The following RAPGEF2 variants were observed in gnomAD, a reference collection of about 807,000 sequenced individuals.
The protein encoded by RAPGEF2 is Rap guanine nucleotide exchange factor 2.
In RAPGEF2, 54 loss-of-function variants were observed where a neutral mutation model predicts 186.7. The observed-to-expected ratio is 0.29, with a 90% CI of 0.23 to 0.36. RAPGEF2 has a LOEUF of 0.36. Among genes scored for constraint, RAPGEF2 ranks in the 10% least tolerant of loss-of-function variants. RAPGEF2 has a pLI of 1.00. For missense variants in RAPGEF2, 1,532 were observed against 2,045.0 expected, an observed-to-expected ratio of 0.75 and a Z score of 4.84; for synonymous variants, 712 against 705.9, an observed-to-expected ratio of 1.01 and a Z score of -0.14.
intron 4 of RAPGEF2, among the ~76,000 whole-genome samples, chr4:159,222,900 TTTA>T (rs1460626034): frequency 1.4e-5 from 2 of 142,992 alleles, no homozygotes; most frequent in Admixed American, 7.5e-5. Flanking sequence ...CAGGGACACT[TTTA>T]TTATGAGTTG....
chr4:159,213,789 C>T (rs75766228), intron 4 of RAPGEF2, among the ~76,000 whole-genome samples: 11,116 of 151,780 alleles, frequency 0.073, 606 homozygotes, highest in African/African-American at 0.15. Flanking sequence ...CTTATGAATT[C>T]CTATGTGACT....
intron 7 of RAPGEF2, 102 bp from the exon 8 acceptor site, chr4:159,304,240 A>T: frequency 1.9e-6 from 2 of 1,037,534 alleles, no homozygotes; most frequent in Non-Finnish European, 2.7e-6. Context: ...TACCATTTTT[A>T]GTTCAATGGT....
chr4:159,153,048 T>C (rs1275340856), intron 1 of RAPGEF2, among the ~76,000 whole-genome samples: 1 of 152,240 alleles, frequency 6.6e-6, no homozygotes, highest in South Asian at 2.1e-4. Flanking sequence ...ACTTGGATTG[T>C]TTATACACTT....
rs376416449 is a variant in RAPGEF2 at position 159,357,354 on chromosome 4, C to G, written c.4958-760C>G. Among the ~76,000 whole-genome samples, 4 of 152,064 alleles carry G rather than the reference C, an allele frequency of 2.6e-5. No individual in the cohort carries two copies. In the East Asian group the frequency reaches 7.7e-4, roughly 29 times the overall value. ...GTAGCCTAGGTAGCAGAGCAAGACC[C>G]GGTCTCTAAAAGAAAGAGAGAGAGA... is the stretch of plus-strand genomic sequence containing the variant. On this transcript the variant is annotated intron_variant, in intron 29 of 29. Coordinates refer to ENST00000691494, the MANE Select transcript of RAPGEF2 (RefSeq NM_001394067.2).
chr4:159,295,495 A>G (rs953699632), intron 7 of RAPGEF2, among the ~76,000 whole-genome samples: 2 of 152,112 alleles, frequency 1.3e-5, no homozygotes, highest in African/African-American at 4.8e-5. Context: ...AGGCAACAGG[A>G]CATTTCATTT....
At chr4:159,277,611 T>C (rs1435799826) in intron 7 of RAPGEF2, among the ~76,000 whole-genome samples, 24 of 152,198 alleles carry the variant, frequency 1.6e-4, no homozygotes, top group Non-Finnish European at 3.1e-4. Flanking sequence ...TTTTAATGAT[T>C]GCCATTCTAA....
intron 1 of RAPGEF2, among the ~76,000 whole-genome samples, chr4:159,120,064 G>C (rs1023913999): frequency 6.6e-6 from 1 of 152,166 alleles, no homozygotes; most frequent in Non-Finnish European, 1.5e-5. Flanking sequence ...CTGTTGTCCA[G>C]ACTGGAGTGC....
Position 159,152,310 on chromosome 4 carries a change from G to A in RAPGEF2, c.70-34332G>A, listed in dbSNP as rs182301853. Among the ~76,000 whole-genome samples the A allele has an allele frequency of 2.0e-3, 300 of 152,122 alleles. 1 individual carries two copies. Among genetic ancestry groups the A allele is most frequent in the Middle Eastern group, 6.8e-3 (2 of 294 alleles). On this transcript the variant is annotated intron_variant, in intron 1 of 29. Coordinates refer to ENST00000691494, the MANE Select transcript of RAPGEF2 (RefSeq NM_001394067.2). The stretch of plus-strand genomic sequence containing the variant: ...CACTCTAGGATGGGTGACAGAGCGA[G>A]ACTCTGTCTAAAAAAAAATAAGAAA...
intron 1 of RAPGEF2, among the ~76,000 whole-genome samples, chr4:159,142,037 C>G (rs1224542601): frequency 2.0e-5 from 3 of 152,064 alleles, no homozygotes; most frequent in African/African-American, 7.2e-5. Flanking sequence ...GTGTGTGTGA[C>G]CAAATGTCTT....
intron 7 of RAPGEF2, among the ~76,000 whole-genome samples, chr4:159,286,453 T>G (rs1760513318): frequency 6.6e-6 from 1 of 152,144 alleles, no homozygotes; most frequent in South Asian, 2.1e-4. Context: ...TTCTTCACAT[T>G]TATAAAATAT....
chr4:159,175,200 T>G (rs887417839), intron 1 of RAPGEF2, among the ~76,000 whole-genome samples: 4 of 152,222 alleles, frequency 2.6e-5, no homozygotes, highest in Non-Finnish European at 5.9e-5. Flanking sequence ...CCTAGGAGAT[T>G]GTTTTTCTTT....
chr4:159,252,673 G>A (rs1400906489), intron 7 of RAPGEF2, among the ~76,000 whole-genome samples: 1 of 152,164 alleles, frequency 6.6e-6, no homozygotes, highest in Non-Finnish European at 1.5e-5. Context: ...TTGTCAGAGG[G>A]TTCTGCTGAA....
intron 1 of RAPGEF2, among the ~76,000 whole-genome samples, chr4:159,132,205 C>T (rs929853350): frequency 2.6e-5 from 4 of 152,120 alleles, no homozygotes; most frequent in African/African-American, 4.8e-5. Context: ...CACAGAAGTA[C>T]GTTATCTTCA....
intron 2 of RAPGEF2, among the ~76,000 whole-genome samples, chr4:159,191,433 T>C (rs1396581776): frequency 1.3e-5 from 2 of 151,714 alleles, no homozygotes; most frequent in African/African-American, 4.8e-5. Flanking sequence ...GGTGAGAAAA[T>C]AGAGATAGAA....
chr4:159,294,994 G>A (rs1338356955), intron 7 of RAPGEF2, among the ~76,000 whole-genome samples: 2 of 152,228 alleles, frequency 1.3e-5, no homozygotes, highest in East Asian at 3.9e-4. Flanking sequence ...CACCTGGCCC[G>A]AGCTTTCATT....
At chr4:159,352,315 CTT>C (rs1396921358) in intron 26 of RAPGEF2, 9 of 167,830 alleles carry the variant, frequency 5.4e-5, no homozygotes, top group Non-Finnish European at 1.2e-4. Flanking sequence ...AGATCAGTGG[CTT>C]TGCATTTTGA....
chr4:159,264,599 T>A (rs1348857434), intron 7 of RAPGEF2, among the ~76,000 whole-genome samples: 1 of 152,182 alleles, frequency 6.6e-6, no homozygotes, highest in Non-Finnish European at 1.5e-5. Flanking sequence ...ATAAGTAACA[T>A]TAAAATTTAC....
chr4:159,263,358 T>C (rs1407530752), intron 7 of RAPGEF2, among the ~76,000 whole-genome samples: 1 of 152,206 alleles, frequency 6.6e-6, no homozygotes, highest in Non-Finnish European at 1.5e-5. Context: ...ATTAGTTTGA[T>C]GTACTCATAT....
intron 29 of RAPGEF2, among the ~76,000 whole-genome samples, chr4:159,357,679 G>GTTAAA (rs917731041): frequency 6.6e-6 from 1 of 152,042 alleles, no homozygotes; most frequent in Non-Finnish European, 1.5e-5. Context: ...TCTCAAAAAA[G>GTTAAA]TTAAATTAAA....
Sources: allele counts gnomAD v4.1 joint callset (sites outside exome capture counted in the v4.1 genomes callset), GRCh38; gene constraint gnomAD v4.1.1; transcripts MANE v1.5; gene names NCBI Gene and HGNC (gene_info 2026-07-23, HGNC 2026-07-21).